RILPL2: variants seen among roughly 807,000 people sequenced by gnomAD.
The protein encoded by RILPL2 is RILP-like protein 2.
RILPL2 carries 19 observed loss-of-function variants against 22.2 expected under a neutral mutation model. The observed-to-expected ratio is 0.86, with a 90% CI of 0.60 to 1.25. RILPL2 has a LOEUF of 1.25. RILPL2 is among the 50% of genes most tolerant of loss of function. The pLI is 0.00. For missense variants in RILPL2, 243 were observed against 263.6 expected (o/e 0.92, Z 0.54); for synonymous variants, 123 against 111.6 (o/e 1.10, Z -0.64).
intron 2 of RILPL2, 136 bp downstream of exon 2, chr12:123,430,372 G>C: frequency 2.7e-6 from 2 of 743,126 alleles, no homozygotes; most frequent in South Asian, 4.7e-5. Flanking sequence ...TCGCGCCACT[G>C]CACTCCAGCC....
Position 123,436,128 on chromosome 12 carries a change from T to C in RILPL2, c.293A>G (p.Lys98Arg), listed in dbSNP as rs1450446078. 1 of 1,595,018 alleles carries C rather than the reference T, an allele frequency of 6.3e-7. No individual in the cohort carries two copies. Among genetic ancestry groups the C allele is most frequent in the Non-Finnish European group, 8.5e-7 (1 of 1,171,482 alleles). ...ELKMERDHLR[K>R]EVEGLRRQSP... ...CTGTCTCCGCAGCCCCTCCACCTCC[T>C]TCCTGAGGTGGTCCCTCTCCATCTT... The change falls in exon 1 of 4, where the codon AAG becomes AGG. Residue 98 changes from lysine (K) to arginine (R), a missense_variant. Lys to Arg is a conservative substitution (Grantham distance 26). Coordinates refer to ENST00000280571, the MANE Select transcript of RILPL2 (RefSeq NM_145058.3). This position sits in a 1 kb window ranked among gnomAD's most constrained non-coding sequence, Gnocchi z 6.7.
intron 3 of RILPL2, among the ~76,000 whole-genome samples, chr12:123,420,029 T>C (rs1387652503): frequency 6.3e-5 from 9 of 143,678 alleles, no homozygotes; most frequent in Non-Finnish European, 1.4e-4. Flanking sequence ...TTTCTTTTTT[T>C]TTTTTTTTTT....
At chr12:123,422,384 C>T (rs956701931) in intron 3 of RILPL2, among the ~76,000 whole-genome samples, 5 of 152,128 alleles carry the variant, frequency 3.3e-5, no homozygotes, top group South Asian at 2.1e-4. Flanking sequence ...GGCATGGTGG[C>T]GCATGCCTGT....
intron 3 of RILPL2, among the ~76,000 whole-genome samples, chr12:123,420,802 GT>G (rs1319503923): frequency 2.0e-5 from 3 of 152,104 alleles, no homozygotes; most frequent in Non-Finnish European, 4.4e-5. Context: ...CTGGAAAGGT[GT>G]TTTCCCTGCC....
Position 123,415,879 on chromosome 12 carries a change from G to A in RILPL2, c.*12C>T. On this transcript the variant is annotated 3_prime_UTR_variant, in exon 4 of 4. Coordinates refer to ENST00000280571, the MANE Select transcript of RILPL2 (RefSeq NM_145058.3). ...TAGAATCAGAGCCATAGCCTTACTT[G>A]TGGCCTTGGATCTAGGTCTGTTTCC... 6.2e-7 allele frequency: 1 copy of A among 1,613,916 alleles called. No homozygotes were observed. The highest frequency in any genetic ancestry group is 8.5e-7 in the Non-Finnish European group (1 of 1,179,780).
chr12:123,422,978 C>T, intron 3 of RILPL2, 66 bp downstream of exon 3: 2 of 1,199,176 alleles, frequency 1.7e-6, no homozygotes, highest in South Asian at 2.5e-5. Context: ...TCAGCCTCTT[C>T]TTGCCCCCGA....
At position 123,421,698 on chromosome 12, in the gene RILPL2, C is replaced by T. The variant is rs1209687353; in HGVS notation, c.605+1346G>A. ...TTTTTTTTTTTTTTTTTTTGAGTCT[C>T]GCTCTGTTGCCCAGGCTAGAGTGCA... is the stretch of plus-strand genomic sequence containing the variant. On this transcript the variant is annotated intron_variant, in intron 3 of 3. Transcript: ENST00000280571. Among the ~76,000 whole-genome samples the T allele has an allele frequency of 7.2e-5, 10 of 138,268 alleles. No homozygotes were observed. In the South Asian group the frequency reaches 9.1e-4, roughly 13 times the overall value. The allele number at this position is 138,268 out of a possible 152,430, so 90.7% of individuals were successfully genotyped here.
At chr12:123,429,066 T>C (rs1372322128) in intron 2 of RILPL2, among the ~76,000 whole-genome samples, 1 of 152,196 alleles carries the variant, frequency 6.6e-6, no homozygotes, top group Non-Finnish European at 1.5e-5. Context: ...AACGTGATTA[T>C]GGCAACAGCT....
In RILPL2 at chr12:123,436,394, C is replaced by G; in HGVS notation, c.27G>C (p.Glu9Asp). The G allele has an allele frequency of 6.4e-7, 1 of 1,550,784 alleles. No individual in the cohort carries two copies. Among genetic ancestry groups the G allele is most frequent in the Non-Finnish European group, 8.7e-7 (1 of 1,147,282 alleles). The change falls in exon 1 of 4, where the codon GAG becomes GAC. Residue 9 changes from glutamate (E) to aspartate (D), a missense_variant. By Grantham distance (45) the Glu-to-Asp change is conservative (BLOSUM62 2). Coordinates refer to ENST00000280571, the MANE Select transcript of RILPL2 (RefSeq NM_145058.3). This position sits in a 1 kb window ranked among gnomAD's most constrained non-coding sequence, Gnocchi z 6.7. Reference sequence around the variant, plus strand: ...CGTCCTCCTCTCCCTCCTCCTCTTCCTCTTCTCGCACAGGGGGCTCCTCCA... The same window carrying G: ...CGTCCTCCTCTCCCTCCTCCTCTTCGTCTTCTCGCACAGGGGGCTCCTCCA... Reference protein sequence around the residue: MEEPPVREEEEEEGEEDEE... With the variant: MEEPPVREDEEEEGEEDEE...
At chr12:123,425,420 C>CTA (rs1879417952) in intron 2 of RILPL2, among the ~76,000 whole-genome samples, 1 of 151,922 alleles carries the variant, frequency 6.6e-6, no homozygotes, top group African/African-American at 2.4e-5. Flanking sequence ...GTCAAGTGAT[C>CTA]TGCCTGCCTC....
chr12:123,436,385 C>T lies in RILPL2; in HGVS notation c.36G>A (p.Glu12=), dbSNP rs1330097324. Residue 12 remains glutamate (E), a synonymous_variant, in exon 1 of 4, where the codon GAG becomes GAA. Coordinates refer to ENST00000280571, the MANE Select transcript of RILPL2 (RefSeq NM_145058.3). The surrounding 1 kb of genome is among the most constrained non-coding windows in gnomAD (Gnocchi z 6.7). ...EEPPVREEEE[E]EGEEDEERDE... ...CCCTCTCCTCGTCCTCCTCTCCCTC[C>T]TCCTCTTCCTCTTCTCGCACAGGGG... The T allele has an allele frequency of 6.4e-7, 1 of 1,551,658 alleles. No individual in the cohort carries two copies. Among genetic ancestry groups the T allele is most frequent in the Non-Finnish European group, 8.7e-7 (1 of 1,147,474 alleles).
chr12:123,422,923 A>G, intron 3 of RILPL2, 121 bp downstream of exon 3: 1 of 688,614 alleles, frequency 1.5e-6, no homozygotes, highest in South Asian at 1.7e-5. Flanking sequence ...GGGCTGCAGC[A>G]CCACAACCGG....
chr12:123,414,929 T>C, downstream of RILPL2: 1 of 27,144 alleles, frequency 3.7e-5, no homozygotes, highest in African/African-American at 7.6e-5. Flanking sequence ...AGAGACTCCG[T>C]CTCAAAAAAA....
At chr12:123,413,684 T>G (rs1879038757), downstream of RILPL2, 1 of 152,260 alleles carries the variant, frequency 6.6e-6, no homozygotes, top group Non-Finnish European at 1.5e-5. Context: ...TGGGGCAGCC[T>G]GCTTTTATTC....
At chr12:123,409,958 T>G in the RILPL2 span, among the ~76,000 whole-genome samples, 1 of 152,022 alleles carries the variant, frequency 6.6e-6, no homozygotes, top group African/African-American at 2.4e-5. Context: ...ACTCCTGACC[T>G]CAAGTGATCT....
intron 3 of RILPL2, among the ~76,000 whole-genome samples, chr12:123,420,344 T>C (rs1879245261): frequency 6.6e-6 from 1 of 151,636 alleles, no homozygotes; most frequent in East Asian, 2.0e-4. Flanking sequence ...TTTCACCATG[T>C]TGGCCAGGAT....
At chr12:123,429,103 A>T (rs1198593340) in intron 2 of RILPL2, among the ~76,000 whole-genome samples, 1 of 151,888 alleles carries the variant, frequency 6.6e-6, no homozygotes, top group Admixed American at 6.6e-5. Flanking sequence ...TGCTTGTCCT[A>T]CAATCTATTT....
intron 3 of RILPL2, among the ~76,000 whole-genome samples, chr12:123,418,612 G>GT (rs1320189545): frequency 6.6e-6 from 1 of 152,096 alleles, no homozygotes; most frequent in African/African-American, 2.4e-5. Context: ...AATGAATGGA[G>GT]TACAGGAAAG....
intron 2 of RILPL2, among the ~76,000 whole-genome samples, 173 bp downstream of exon 2, chr12:123,430,335 G>A (rs1241456893): frequency 2.0e-5 from 3 of 151,512 alleles, no homozygotes; most frequent in Non-Finnish European, 4.4e-5. Context: ...CGTGAACCCG[G>A]GAGGCAGAGG....
Sources: gnomAD v4.1 joint callset for allele counts (sites outside exome capture counted in the v4.1 genomes callset) on GRCh38, gnomAD v4.1.1 for gene constraint, Gnocchi (gnomAD v3.1) non-coding constraint, MANE v1.5 for transcripts, NCBI Gene and HGNC (gene_info 2026-07-23, HGNC 2026-07-21) for gene names.